The following DSCAM variants were observed in gnomAD, a reference collection of about 807,000 sequenced individuals.
The protein encoded by DSCAM is DS cell adhesion molecule.
Under a neutral mutation model 217.7 loss-of-function variants are expected in DSCAM, and 47 were observed. The ratio of observed to expected loss-of-function variants is 0.22; its 90% CI spans 0.17 to 0.28. The LOEUF is 0.28. Among genes scored for constraint, DSCAM ranks in the 10% least tolerant of loss-of-function variants. The pLI is 1.00. For missense variants in DSCAM, 2,080 were observed against 2,618.3 expected (o/e 0.79, Z 4.49); for synonymous variants, 1,056 against 1,015.3 (o/e 1.04, Z -0.76).
intron 3 of DSCAM, among the ~76,000 whole-genome samples, chr21:40,561,217 A>G (rs902838931): frequency 3.4e-4 from 52 of 152,334 alleles, no homozygotes; most frequent in African/African-American, 1.2e-3. Context: ...GTGTGGTAAC[A>G]GTGATGATGG....
chr21:40,595,675 C>A (rs1601774621), intron 3 of DSCAM, among the ~76,000 whole-genome samples: 1 of 152,212 alleles, frequency 6.6e-6, no homozygotes, highest in African/African-American at 2.4e-5. Flanking sequence ...GAGGCACAAC[C>A]TAACCACATA....
At position 40,698,881 on chromosome 21, in the gene DSCAM, A is replaced by G. The variant is rs923990928; in HGVS notation, c.362-5925T>C. On this transcript the variant is annotated intron_variant, in intron 2 of 32. Transcript: ENST00000400454. ...CGAGAATCCGTCTTAAAAAAAAAAA[A>G]AAAAAAAAAAAAAGAGTCGCTTCTG... 6.2e-3 allele frequency among the ~76,000 whole-genome samples: 935 copies of G among 151,008 alleles called. 10 individuals are homozygous for G. Among genetic ancestry groups the G allele is most frequent in the African/African-American group, 0.021 (864 of 41,166 alleles).
chr21:40,637,114 TATATATATATATATAAATATATAA>T (rs2089772362), intron 3 of DSCAM, among the ~76,000 whole-genome samples: 2 of 44,562 alleles, frequency 4.5e-5, no homozygotes, highest in Admixed American at 5.3e-4. Context: ...CATTCATATA[TATATATATATATATAAATATATAA>T]ATATATATAT....
chr21:40,303,491 TC>T (rs1332602953), intron 9 of DSCAM, among the ~76,000 whole-genome samples: 1 of 152,146 alleles, frequency 6.6e-6, no homozygotes, highest in Non-Finnish European at 1.5e-5. Context: ...TCTTTCTCAA[TC>T]CACGTACAAC....
At chr21:40,485,396 C>T (rs1165330144) in intron 3 of DSCAM, among the ~76,000 whole-genome samples, 1 of 151,900 alleles carries the variant, frequency 6.6e-6, no homozygotes, top group Non-Finnish European at 1.5e-5. Context: ...GCGCCCGCCA[C>T]CGCGCCCGGC....
chr21:40,826,894 G>T (rs770832350), intron 1 of DSCAM, among the ~76,000 whole-genome samples: 2 of 152,140 alleles, frequency 1.3e-5, no homozygotes, highest in African/African-American at 2.4e-5. Context: ...AGAAATCATG[G>T]ATAGAGATAC....
At chr21:40,444,055 T>C (rs1482877075) in intron 3 of DSCAM, among the ~76,000 whole-genome samples, 1 of 152,198 alleles carries the variant, frequency 6.6e-6, no homozygotes, top group Non-Finnish European at 1.5e-5. Flanking sequence ...GAAAAACTGC[T>C]GCTTTTACTT....
intron 11 of DSCAM, among the ~76,000 whole-genome samples, chr21:40,239,298 T>G (rs1403569359): frequency 6.6e-6 from 1 of 152,162 alleles, no homozygotes; most frequent in Non-Finnish European, 1.5e-5. Flanking sequence ...AATATAATTT[T>G]GATATCACAA....
At chr21:40,798,629 G>T (rs2091712366) in intron 1 of DSCAM, among the ~76,000 whole-genome samples, 1 of 152,042 alleles carries the variant, frequency 6.6e-6, no homozygotes, top group Non-Finnish European at 1.5e-5. Context: ...CTAGGATGTT[G>T]TCATTATAAG....
At chr21:40,658,391 G>T (rs2090099209) in intron 3 of DSCAM, among the ~76,000 whole-genome samples, 1 of 152,140 alleles carries the variant, frequency 6.6e-6, no homozygotes, top group African/African-American at 2.4e-5. Flanking sequence ...GGCTGCTTCT[G>T]TCATGGCTTA....
intron 11 of DSCAM, among the ~76,000 whole-genome samples, chr21:40,220,696 T>G (rs145191741): frequency 1.3e-5 from 2 of 152,152 alleles, no homozygotes; most frequent in African/African-American, 4.8e-5. Context: ...AGACTCCCCA[T>G]GAGAGTTCAC....
At chr21:40,197,189 G>A (rs2146848096) in intron 11 of DSCAM, among the ~76,000 whole-genome samples, 2 of 152,078 alleles carry the variant, frequency 1.3e-5, no homozygotes, top group African/African-American at 4.8e-5. Flanking sequence ...CGCAATCTTG[G>A]CTCACTGCAA....
intron 10 of DSCAM, among the ~76,000 whole-genome samples, chr21:40,286,455 C>A (rs1486557235): frequency 1.3e-5 from 2 of 152,086 alleles, no homozygotes; most frequent in African/African-American, 4.8e-5. Context: ...GACAAAGGGA[C>A]CAGAACTTGG....
intron 3 of DSCAM, among the ~76,000 whole-genome samples, chr21:40,411,661 A>G (rs924019084): frequency 6.6e-6 from 1 of 152,204 alleles, no homozygotes; most frequent in Non-Finnish European, 1.5e-5. Flanking sequence ...TGAAATAGAT[A>G]TCAAAGTGAT....
chr21:40,062,449 C>T (rs144901251), intron 28 of DSCAM, among the ~76,000 whole-genome samples: 51 of 152,318 alleles, frequency 3.3e-4, no homozygotes, highest in African/African-American at 1.1e-3. Context: ...CTGATGGAGA[C>T]ACAGAGCCTT....
intron 3 of DSCAM, among the ~76,000 whole-genome samples, chr21:40,535,856 A>C (rs1287496949): frequency 6.6e-6 from 1 of 152,230 alleles, no homozygotes; most frequent in Non-Finnish European, 1.5e-5. Context: ...CCACACCTGA[A>C]AGTATTTAAA....
chr21:40,105,070 C>A (rs979417294), intron 20 of DSCAM, among the ~76,000 whole-genome samples: 5 of 152,030 alleles, frequency 3.3e-5, no homozygotes, highest in Admixed American at 2.6e-4. Context: ...ATTTCCAGGG[C>A]CTCTTTCTGT....
chr21:40,774,297 A>G (rs142523406), intron 1 of DSCAM, among the ~76,000 whole-genome samples: 1 of 152,386 alleles, frequency 6.6e-6, no homozygotes, highest in East Asian at 1.9e-4. Flanking sequence ...TGAGAGAGAC[A>G]TAGACAGAGG....
At position 40,144,877 on chromosome 21, in the gene DSCAM, C is replaced by T; in HGVS notation, c.3019-146G>A. On this transcript the variant is annotated intron_variant, in intron 16 of 32. Transcript: ENST00000400454. The surrounding 1 kb of genome is among the most constrained non-coding windows in gnomAD (Gnocchi z 4.8). ...GGTGGTCCGGTAGCAGCCGCAAACC[C>T]ACGTACAGTGCAACTTGGTCTGTGC... 8.6e-7 allele frequency: 1 copy of T among 1,160,354 alleles called. No homozygotes were observed. Among genetic ancestry groups the T allele is most frequent in the Non-Finnish European group, 1.2e-6 (1 of 826,130 alleles). 71.9% of individuals were successfully genotyped at this position (1,160,354 alleles called of 1,614,324 possible).
Sources: gnomAD v4.1 joint callset for allele counts (sites outside exome capture counted in the v4.1 genomes callset) on GRCh38, gnomAD v4.1.1 for gene constraint, Gnocchi (gnomAD v3.1) non-coding constraint, MANE v1.5 for transcripts, NCBI Gene and HGNC (gene_info 2026-07-23, HGNC 2026-07-21) for gene names.